Variants in RARB observed in about 807,000 individuals in gnomAD.
The protein encoded by RARB is retinoic acid receptor beta.
Under a neutral mutation model 51.9 loss-of-function variants are expected in RARB, and 17 were observed. The ratio of observed to expected loss-of-function variants is 0.33; its 90% CI spans 0.22 to 0.49. RARB has a LOEUF of 0.49. Among genes scored for constraint, RARB ranks in the 20% least tolerant of loss-of-function variants. The pLI is 0.99. For missense variants in RARB, 369 were observed against 550.8 expected (o/e 0.67, Z 3.30); for synonymous variants, 215 against 195.4 (o/e 1.10, Z -0.84).
intron 5 of RARB, among the ~76,000 whole-genome samples, chr3:25,422,971 T>C (rs1431472904): frequency 6.6e-6 from 1 of 152,190 alleles, no homozygotes; most frequent in Non-Finnish European, 1.5e-5. Context: ...ATTAAGTACA[T>C]CCATGCCCAT....
intron 2 of RARB, among the ~76,000 whole-genome samples, chr3:24,898,390 A>T (rs959408125): frequency 2.0e-5 from 3 of 151,146 alleles, no homozygotes; most frequent in Admixed American, 2.0e-4. Flanking sequence ...AATAGGAATA[A>T]ATTATAGGAA....
chr3:25,048,619 T>C (rs2125298440), intron 2 of RARB, among the ~76,000 whole-genome samples: 1 of 152,284 alleles, frequency 6.6e-6, no homozygotes, highest in Admixed American at 6.5e-5. Context: ...AAATTAGTGG[T>C]TTCTCTGGCC....
intron 3 of RARB, among the ~76,000 whole-genome samples, chr3:25,566,868 A>G (rs977034187): frequency 9.2e-5 from 14 of 152,168 alleles, no homozygotes; most frequent in African/African-American, 3.4e-4. Flanking sequence ...ACTATTTTCA[A>G]ACATGGTATT....
intron 2 of RARB, among the ~76,000 whole-genome samples, chr3:24,910,600 C>G (rs1424670169): frequency 6.6e-6 from 1 of 152,164 alleles, no homozygotes. Context: ...AAGTTTGTCA[C>G]TCTTAACAGT....
chr3:25,093,585 C>G (rs1314020304), intron 3 of RARB, among the ~76,000 whole-genome samples: 1 of 152,186 alleles, frequency 6.6e-6, no homozygotes. Context: ...TACATGTAGA[C>G]ATAAACAATT....
intron 2 of RARB, among the ~76,000 whole-genome samples, chr3:24,891,755 C>A (rs1307017032): frequency 6.6e-6 from 1 of 152,022 alleles, no homozygotes; most frequent in Non-Finnish European, 1.5e-5. Context: ...TCAAGGAGAA[C>A]AAAGTGGTTA....
chr3:24,984,452 A>T (rs1696744135), intron 2 of RARB, among the ~76,000 whole-genome samples: 2 of 152,216 alleles, frequency 1.3e-5, no homozygotes, highest in African/African-American at 2.4e-5. Flanking sequence ...AGGTTTCTTA[A>T]ATTCAGAAAA....
chr3:25,118,344 T>C (rs1004456342), intron 3 of RARB, among the ~76,000 whole-genome samples: 2 of 152,118 alleles, frequency 1.3e-5, no homozygotes, highest in Admixed American at 6.6e-5. Flanking sequence ...ATTTGTCACT[T>C]TATCATGATC....
chr3:25,365,539 CTG>C (rs1285621103), intron 5 of RARB, among the ~76,000 whole-genome samples: 2 of 152,098 alleles, frequency 1.3e-5, no homozygotes, highest in Non-Finnish European at 2.9e-5. Context: ...CACAGAGTCT[CTG>C]AGTTAGGAAT....
chr3:25,399,688 C>T (rs571162257), intron 5 of RARB, among the ~76,000 whole-genome samples: 1 of 152,250 alleles, frequency 6.6e-6, no homozygotes. Context: ...GTGAAGCTAC[C>T]ATAGCTGCTG....
chr3:25,559,173 G>A (rs867606446), intron 3 of RARB, among the ~76,000 whole-genome samples: 12 of 152,012 alleles, frequency 7.9e-5, no homozygotes, highest in African/African-American at 2.7e-4. Context: ...TGCGCACATT[G>A]GTCCCTTCAT....
chr3:25,050,484 T>C (rs1240508546), intron 2 of RARB, among the ~76,000 whole-genome samples: 2 of 152,208 alleles, frequency 1.3e-5, no homozygotes, highest in African/African-American at 4.8e-5. Context: ...AGTGATTTGA[T>C]TTTCGAGAAA....
intron 3 of RARB, among the ~76,000 whole-genome samples, chr3:25,095,450 T>C (rs1699276836): frequency 6.6e-6 from 1 of 152,190 alleles, no homozygotes; most frequent in South Asian, 2.1e-4. Flanking sequence ...CCCAGCAATC[T>C]GTGTTTTTAA....
At chr3:25,248,191 C>A (rs1485307133) in intron 5 of RARB, among the ~76,000 whole-genome samples, 1 of 152,124 alleles carries the variant, frequency 6.6e-6, no homozygotes, top group East Asian at 1.9e-4. Flanking sequence ...TATAGCTACT[C>A]CTGCTCATTT....
At chr3:25,324,015 CAG>C (rs1442485985) in intron 5 of RARB, among the ~76,000 whole-genome samples, 1 of 152,010 alleles carries the variant, frequency 6.6e-6, no homozygotes, top group Non-Finnish European at 1.5e-5. Flanking sequence ...CTCAAGGAAG[CAG>C]AGATAATAAA....
chr3:24,970,627 C>T lies in RARB; in HGVS notation c.-379-89498C>T, dbSNP rs955394187. The stretch of plus-strand genomic sequence containing the variant: ...CACAAACACACCCCCTCTGCTACCA[C>T]CTGTAGCATGAGAAAGACACTTCAT... On this transcript the variant is annotated intron_variant, in intron 2 of 11. Coordinates refer to the RARB transcript ENST00000383772. Among the ~76,000 whole-genome samples the T allele has an allele frequency of 3.4e-5, 5 of 148,722 alleles. No individual in the cohort carries two copies. In the Admixed American group the frequency reaches 3.4e-4, roughly 10 times the overall value.
chr3:25,161,606 C>A (rs1352206103), intron 4 of RARB, among the ~76,000 whole-genome samples: 1 of 152,204 alleles, frequency 6.6e-6, no homozygotes, highest in Non-Finnish European at 1.5e-5. Flanking sequence ...AGATTCTCTT[C>A]CACTGGCTCA....
At chr3:25,115,549 G>C (rs575283754) in intron 3 of RARB, among the ~76,000 whole-genome samples, 1 of 151,258 alleles carries the variant, frequency 6.6e-6, no homozygotes, top group South Asian at 2.1e-4. Flanking sequence ...TTCCTTCTTT[G>C]CTTCTTTTCT....
chr3:25,441,247 C>G, intron 1 of RARB: 1 of 390,230 alleles, frequency 2.6e-6, no homozygotes, highest in South Asian at 2.2e-5. Context: ...AGATAGGCCT[C>G]ACTTGGCTCC....
Sources: gnomAD v4.1 joint callset for allele counts (sites outside exome capture counted in the v4.1 genomes callset) on GRCh38, gnomAD v4.1.1 for gene constraint, MANE v1.5 for transcripts, NCBI Gene and HGNC (gene_info 2026-07-23, HGNC 2026-07-21) for gene names.